The following SLC4A10 variants were observed in gnomAD, a reference collection of about 807,000 sequenced individuals.
The protein encoded by SLC4A10 is solute carrier family 4 member 10.
In SLC4A10, 42 loss-of-function variants were observed where a neutral mutation model predicts 137.7. The observed-to-expected ratio is 0.30, with a 90% CI of 0.24 to 0.39. The LOEUF (loss-of-function observed/expected upper bound fraction) is 0.39, where lower values mean the gene tolerates loss of function less well. SLC4A10 is among the 10% of genes least tolerant of loss of function. The pLI, the probability that SLC4A10 is intolerant of heterozygous loss-of-function variation, is 1.00. For missense variants in SLC4A10, 925 were observed against 1,355.0 expected, an observed-to-expected ratio of 0.68 and a Z score of 4.98; for synonymous variants, 474 against 464.1, an observed-to-expected ratio of 1.02 and a Z score of -0.27.
At chr2:161,683,065 C>T (rs191388689) in intron 1 of SLC4A10, among the ~76,000 whole-genome samples, 3 of 152,184 alleles carry the variant, frequency 2.0e-5, no homozygotes, top group Admixed American at 2.0e-4. Context: ...TCATTAGCCT[C>T]ATTGAGATTC....
chr2:161,698,511 C>A (rs2042779489), intron 1 of SLC4A10, among the ~76,000 whole-genome samples: 1 of 152,146 alleles, frequency 6.6e-6, no homozygotes, highest in Non-Finnish European at 1.5e-5. Context: ...GAGTTTTTAG[C>A]ATGAATGGTT....
chr2:161,673,666 T>G (rs1174959366), intron 1 of SLC4A10, among the ~76,000 whole-genome samples: 2 of 152,144 alleles, frequency 1.3e-5, no homozygotes, highest in East Asian at 1.9e-4. Flanking sequence ...ATTTAAGTAT[T>G]AATACATTTA....
At chr2:161,817,628 C>A (rs1415454700) in intron 3 of SLC4A10, among the ~76,000 whole-genome samples, 1 of 152,158 alleles carries the variant, frequency 6.6e-6, no homozygotes, top group Non-Finnish European at 1.5e-5. Flanking sequence ...ACATGTAAGT[C>A]TTTAATCCAT....
chr2:161,862,408 A>G lies in SLC4A10; in HGVS notation c.578-466A>G, dbSNP rs2060482500. Among the ~76,000 whole-genome samples the G allele has an allele frequency of 2.0e-5, 3 of 152,204 alleles. No individual in the cohort carries two copies. The South Asian group carries it at 6.2e-4, about 31-fold the overall frequency. Reference sequence around the variant, plus strand: ...AAACAAGGAAATTAGTCTGTACTAGAAAATGGGAAAAAAATTAAAATATAA... The same window carrying G: ...AAACAAGGAAATTAGTCTGTACTAGGAAATGGGAAAAAAATTAAAATATAA... On this transcript the variant is annotated intron_variant, in intron 5 of 26. Transcript: ENST00000446997.
intron 4 of SLC4A10, among the ~76,000 whole-genome samples, chr2:161,843,368 A>G (rs1376614566): frequency 6.6e-6 from 1 of 152,142 alleles, no homozygotes; most frequent in Non-Finnish European, 1.5e-5. Context: ...TTGATTTATA[A>G]AGAATAAAAA....
chr2:161,915,092 A>G (rs1434868420), intron 15 of SLC4A10, among the ~76,000 whole-genome samples: 1 of 152,000 alleles, frequency 6.6e-6, no homozygotes, highest in Non-Finnish European at 1.5e-5. Context: ...GCCTATAAAG[A>G]CCCCAGACTC....
intron 16 of SLC4A10, among the ~76,000 whole-genome samples, chr2:161,946,395 G>A (rs1380662646): frequency 6.6e-6 from 1 of 151,944 alleles, no homozygotes; most frequent in Non-Finnish European, 1.5e-5. Flanking sequence ...TACAATCTTT[G>A]GAGTGTATTT....
chr2:161,666,070 C>T (rs916247405), intron 1 of SLC4A10, among the ~76,000 whole-genome samples: 11 of 150,360 alleles, frequency 7.3e-5, no homozygotes, highest in African/African-American at 2.7e-4. Context: ...CATATATATT[C>T]TCAGGTATTT....
At chr2:161,711,348 A>T (rs574580357) in intron 1 of SLC4A10, among the ~76,000 whole-genome samples, 2 of 151,800 alleles carry the variant, frequency 1.3e-5, no homozygotes, top group Non-Finnish European at 2.9e-5. Context: ...CTTTATAGGG[A>T]TAAAACTTGG....
chr2:161,846,707 A>G (rs1423334838), intron 4 of SLC4A10, among the ~76,000 whole-genome samples: 1 of 152,204 alleles, frequency 6.6e-6, no homozygotes, highest in South Asian at 2.1e-4. Context: ...TATGCTTAGT[A>G]AAAAAGTGTC....
chr2:161,873,846 C>T (rs2061298805), intron 7 of SLC4A10, 70 bp from the exon 8 acceptor site: 1 of 1,458,884 alleles, frequency 6.9e-7, no homozygotes, highest in Non-Finnish European at 9.3e-7. Context: ...GCATGCTCTC[C>T]CTCTGGTGCC....
chr2:161,659,304 A>C (rs1558965801), intron 1 of SLC4A10, among the ~76,000 whole-genome samples: 1 of 152,226 alleles, frequency 6.6e-6, no homozygotes, highest in Non-Finnish European at 1.5e-5. Context: ...CAAATACTGC[A>C]TGTTCTCACT....
intron 1 of SLC4A10, among the ~76,000 whole-genome samples, chr2:161,660,561 T>C (rs538371045): frequency 2.1e-5 from 1 of 46,794 alleles, no homozygotes; most frequent in Admixed American, 2.8e-4. Flanking sequence ...TCTATATTTC[T>C]TTCTTTCTTT....
chr2:161,921,779 A>C (rs767329361), intron 15 of SLC4A10, among the ~76,000 whole-genome samples: 30 of 152,224 alleles, frequency 2.0e-4, no homozygotes, highest in African/African-American at 5.5e-4. Context: ...TAAACCCAGG[A>C]CCATTTTGTC....
chr2:161,905,866 T>C lies in SLC4A10; in HGVS notation c.1976T>C (p.Leu659Pro). ...EAYPINMHND[L>P]ELLTQYSCNC... is the part of the protein sequence containing the mutation. ...TATCCAATCAACATGCATAATGATC[T>C]GGAACTGCTGACACAATACTCGTAA... is the stretch of plus-strand genomic sequence containing the variant. Residue 659 changes from leucine (L) to proline (P), a missense_variant, in exon 15 of 27, where the codon CTG becomes CCG. Leu to Pro is a moderately conservative substitution (Grantham distance 98, BLOSUM62 -3). This residue lies in a region of SLC4A10 where 91 missense variants were observed against 95.6 expected (regional missense o/e 0.95). Transcript: ENST00000446997. 1 of 1,611,916 alleles carries C rather than the reference T, an allele frequency of 6.2e-7. No individual in the cohort carries two copies. The highest frequency in any genetic ancestry group is 1.1e-5 in the South Asian group (1 of 90,690).
At chr2:161,873,092 A>G (rs1414316538) in intron 7 of SLC4A10, among the ~76,000 whole-genome samples, 1 of 152,214 alleles carries the variant, frequency 6.6e-6, no homozygotes, top group Non-Finnish European at 1.5e-5. Flanking sequence ...AAAGCAAATC[A>G]TAATATAAAA....
intron 15 of SLC4A10, among the ~76,000 whole-genome samples, chr2:161,906,924 C>T (rs1463220476): frequency 2.0e-5 from 3 of 151,818 alleles, no homozygotes; most frequent in East Asian, 1.9e-4. Flanking sequence ...GGCGTGGTGG[C>T]GGGCGCCTGT....
chr2:161,657,509 C>T (rs2037713601), intron 1 of SLC4A10, among the ~76,000 whole-genome samples: 1 of 151,692 alleles, frequency 6.6e-6, no homozygotes, highest in African/African-American at 2.4e-5. Flanking sequence ...TCTCTAAATA[C>T]CCAAGAAGAA....
rs767579808 is a variant in SLC4A10 at position 161,904,874 on chromosome 2, T to G, written c.1716T>G (p.Val572=). 6.2e-7 allele frequency: 1 copy of G among 1,613,950 alleles called. No individual in the cohort carries two copies. Among genetic ancestry groups the G allele is most frequent in the Non-Finnish European group, 8.5e-7 (1 of 1,179,864 alleles). The change falls in exon 14 of 27, where the codon GTT becomes GTG. Residue 572 remains valine (V), a synonymous_variant. Transcript: ENST00000446997. ...PLTILGSTGP[V]LVFEKILFKF... is the part of the protein sequence containing the mutation. ...CCATATTAGGCAGTACAGGACCAGT[T>G]TTGGTGTTTGAAAAGATTTTGTTTA...
Sources: gnomAD v4.1 joint callset for allele counts (sites outside exome capture counted in the v4.1 genomes callset) on GRCh38, gnomAD v4.1.1 for gene constraint, gnomAD v4.1.1 regional missense constraint, MANE v1.5 for transcripts, NCBI Gene and HGNC (gene_info 2026-07-23, HGNC 2026-07-21) for gene names.